Variants in HS6ST2 observed in about 807,000 individuals in gnomAD.
HS6ST2 encodes the protein heparan-sulfate 6-O-sulfotransferase 2.
In HS6ST2, 17 loss-of-function variants were observed where a neutral mutation model predicts 33.0. The ratio of observed to expected loss-of-function variants is 0.52; its 90% CI spans 0.35 to 0.77. The LOEUF is 0.77. HS6ST2 is among the 30% of genes least tolerant of loss of function. The pLI, the probability that HS6ST2 is intolerant of heterozygous loss-of-function variation, is 0.01. For missense variants in HS6ST2, 519 were observed against 551.7 expected, an observed-to-expected ratio of 0.94 and a Z score of 0.59; for synonymous variants, 248 against 237.1, an observed-to-expected ratio of 1.05 and a Z score of -0.42.
intron 2 of HS6ST2, among the ~76,000 whole-genome samples, chrX:132,760,517 C>A (rs2064795855): frequency 8.9e-6 from 1 of 112,077 alleles, no homozygotes; most frequent in African/African-American, 3.2e-5. Flanking sequence ...CCCTGCGAAA[C>A]TGTGAGTCAA....
chrX:132,925,600 T>C lies in HS6ST2; in HGVS notation c.947+31208A>G, dbSNP rs1238638499. ...TGTCGGAAAAATTCACACATTTTGA[T>C]GACCAGAAGTGTGTGAGTGTATAGA... is the stretch of plus-strand genomic sequence containing the variant. On this transcript the variant is annotated intron_variant, in intron 2 of 4. Coordinates refer to ENST00000370833, the MANE Select transcript of HS6ST2 (RefSeq NM_001394073.1). 3.6e-5 allele frequency among the ~76,000 whole-genome samples: 4 copies of C among 111,844 alleles called. No homozygotes were observed. In the Admixed American group the frequency reaches 3.8e-4, roughly 11 times the overall value.
At chrX:132,753,700 C>T (rs887425183) in intron 2 of HS6ST2, among the ~76,000 whole-genome samples, 4 of 111,676 alleles carry the variant, frequency 3.6e-5, no homozygotes, top group Admixed American at 9.5e-5. Flanking sequence ...ACTAATACAA[C>T]AGGTGTCTCC....
intron 2 of HS6ST2, among the ~76,000 whole-genome samples, chrX:132,911,960 A>G (rs1225892677): frequency 9.0e-6 from 1 of 111,120 alleles, no homozygotes; most frequent in Non-Finnish European, 1.9e-5. Flanking sequence ...CTCTTAAGGA[A>G]TTCTCTCCTC....
intron 2 of HS6ST2, among the ~76,000 whole-genome samples, chrX:132,777,151 C>T (rs908200717): frequency 5.8e-5 from 6 of 104,192 alleles, no homozygotes; most frequent in African/African-American, 1.4e-4. Context: ...ATGCACAGGG[C>T]AACCCCCTAC....
chrX:132,908,991 GAAAAAAAAAA>G (rs397975321), intron 2 of HS6ST2, among the ~76,000 whole-genome samples: 1 of 40,843 alleles, frequency 2.4e-5, no homozygotes, highest in South Asian at 1.4e-3. Context: ...GAACTCCACT[GAAAAAAAAAA>G]AAAAAAAAAA....
chrX:132,730,964 G>A (rs1022269532), intron 2 of HS6ST2, among the ~76,000 whole-genome samples: 8 of 112,110 alleles, frequency 7.1e-5, no homozygotes, highest in African/African-American at 2.6e-4. Context: ...TTAGTTAGCT[G>A]GGGATGGACT....
intron 3 of HS6ST2, 104 bp from the exon 4 acceptor site, chrX:132,669,303 C>A (rs996494463): frequency 7.9e-6 from 4 of 506,941 alleles, no homozygotes; most frequent in Non-Finnish European, 1.2e-5. Flanking sequence ...GCCTGCATAT[C>A]CCCCCACCAC....
chrX:132,687,261 A>G (rs2064025311), intron 3 of HS6ST2, among the ~76,000 whole-genome samples: 1 of 111,328 alleles, frequency 9.0e-6, no homozygotes, highest in South Asian at 3.9e-4. Flanking sequence ...CAGAAGGGGA[A>G]GGGAGGAGGA....
At chrX:132,706,726 G>A (rs921621664) in intron 3 of HS6ST2, among the ~76,000 whole-genome samples, 3 of 112,145 alleles carry the variant, frequency 2.7e-5, no homozygotes, top group Admixed American at 1.9e-4. Context: ...ATGAGGCAGC[G>A]ATAATCATAA....
In HS6ST2 at chrX:132,628,876, G is replaced by A; in HGVS notation, c.1285C>T (p.Arg429Cys). ...AGGTCGGAGAGCATGCGCACCTGGC[G>A]GTTGTTGGCTAGATTGTAGGGACAG... ...MDCPYNLANN[R>C]QVRMLSDLTL... is the part of the protein sequence containing the mutation. Residue 429 changes from arginine to cysteine, a missense_variant, in exon 5 of 5, where the codon CGC becomes TGC. Physicochemically the swap from Arg to Cys is radical, Grantham distance 180 (BLOSUM62 -3). Coordinates refer to ENST00000370833, the MANE Select transcript of HS6ST2 (RefSeq NM_001394073.1). The A allele has an allele frequency of 3.3e-6, 4 of 1,211,650 alleles. No individual in the cohort carries two copies. Among genetic ancestry groups the A allele is most frequent in the Admixed American group, 2.2e-5 (1 of 46,026 alleles).
intron 4 of HS6ST2, 22 bp from the exon 5 acceptor site, chrX:132,629,115 C>T: frequency 8.5e-7 from 1 of 1,175,080 alleles, no homozygotes; most frequent in Non-Finnish European, 1.1e-6. Context: ...GCACAAAAAC[C>T]AACAGTCAGA....
chrX:132,686,153 G>C (rs1304804687), intron 3 of HS6ST2, among the ~76,000 whole-genome samples: 2 of 112,121 alleles, frequency 1.8e-5, no homozygotes, highest in Admixed American at 9.5e-5. Flanking sequence ...AAACAGTTCT[G>C]CTGACAGGTG....
intron 2 of HS6ST2, among the ~76,000 whole-genome samples, chrX:132,760,876 T>G (rs186152644): frequency 2.7e-5 from 3 of 111,629 alleles, no homozygotes; most frequent in Admixed American, 9.5e-5. Context: ...TACACTTTTT[T>G]TTTCTTTAAA....
chrX:132,945,890 A>G (rs1239977376), intron 2 of HS6ST2, among the ~76,000 whole-genome samples: 2 of 106,781 alleles, frequency 1.9e-5, no homozygotes, highest in Non-Finnish European at 3.9e-5. Context: ...TAGGAGATAT[A>G]CCTAATGTAA....
chrX:132,721,938 T>C (rs950825004), intron 2 of HS6ST2, among the ~76,000 whole-genome samples: 2 of 110,735 alleles, frequency 1.8e-5, no homozygotes, highest in Non-Finnish European at 3.8e-5. Flanking sequence ...CCTGTAATCC[T>C]AGCACTTTGG....
At chrX:132,956,455 C>T (rs922964195) in intron 2 of HS6ST2, among the ~76,000 whole-genome samples, 4 of 111,719 alleles carry the variant, frequency 3.6e-5, no homozygotes, top group African/African-American at 1.3e-4. Context: ...TCCAGAGACG[C>T]TGCACGGAGA....
At chrX:132,728,838 A>G (rs2064425015) in intron 2 of HS6ST2, among the ~76,000 whole-genome samples, 1 of 112,373 alleles carries the variant, frequency 8.9e-6, no homozygotes, top group Admixed American at 9.4e-5. Context: ...ATAAATAATG[A>G]TGATGAATGT....
chrX:132,953,713 C>T (rs1378974777), intron 2 of HS6ST2, among the ~76,000 whole-genome samples: 1 of 112,302 alleles, frequency 8.9e-6, no homozygotes, highest in Non-Finnish European at 1.9e-5. Context: ...AACCTATCCC[C>T]AGTGAATAGA....
At chrX:132,760,055 T>A (rs575133153) in intron 2 of HS6ST2, among the ~76,000 whole-genome samples, 9 of 111,539 alleles carry the variant, frequency 8.1e-5, no homozygotes, top group African/African-American at 2.9e-4. Context: ...ATGGCATGTG[T>A]AGGTGATCAA....
Sources: gnomAD v4.1 joint callset for allele counts (sites outside exome capture counted in the v4.1 genomes callset) on GRCh38, gnomAD v4.1.1 for gene constraint, MANE v1.5 for transcripts, NCBI Gene and HGNC (gene_info 2026-07-23, HGNC 2026-07-21) for gene names.